The following NUDT14 variants were observed in gnomAD, a reference collection of about 807,000 sequenced individuals.
NUDT14 encodes the protein nudix hydrolase 14.
NUDT14 carries 22 observed loss-of-function variants against 17.5 expected under a neutral mutation model. The observed-to-expected ratio is 1.26, with a 90% CI of 0.90 to 1.80. The LOEUF (loss-of-function observed/expected upper bound fraction) is 1.80. Among genes scored for constraint, NUDT14 ranks in the 40% most tolerant of loss-of-function variants. NUDT14 has a pLI of 0.00. For synonymous variants in NUDT14, 129 were observed against 125.8 expected (o/e 1.03, Z -0.17); for missense variants, 296 against 295.6 (o/e 1.00, Z -0.01).
chr14:105,173,622 A>G lies in NUDT14; in HGVS notation c.429-361T>C. ...TTCAACGCCAGAAAGGGAGAAATTCAGGCCAGTCCTGCTGGCCCTGAAGGG... is the reference window on the plus strand; with the variant it reads ...TTCAACGCCAGAAAGGGAGAAATTCGGGCCAGTCCTGCTGGCCCTGAAGGG... On this transcript the variant is annotated intron_variant, in intron 4 of 4. Coordinates refer to ENST00000392568, the MANE Select transcript of NUDT14 (RefSeq NM_177533.5). This position sits in a 1 kb window ranked among gnomAD's most constrained non-coding sequence, Gnocchi z 4.7. 5.5e-6 allele frequency: 1 copy of G among 182,254 alleles called. No individual in the cohort carries two copies. The allele number at this position is 182,254 out of a possible 1,614,324, so 11.3% of individuals were successfully genotyped here.
At position 105,181,248 on chromosome 14, in the gene NUDT14, G is replaced by A. The variant is rs1367943018; in HGVS notation, c.-39C>T. 6 of 797,618 alleles carry A rather than the reference G, an allele frequency of 7.5e-6. No individual in the cohort carries two copies. Among genetic ancestry groups the A allele is most frequent in the Non-Finnish European group, 7.9e-6 (5 of 631,398 alleles). The allele number at this position is 797,618 out of a possible 1,614,324, so 49.4% of individuals were successfully genotyped here. A position where few individuals can be genotyped will look rare whatever the true frequency, so the allele number is the denominator to read the frequency against. Reference sequence around the variant, plus strand: ...CAGGCGGGGGCCGCGAGCTCTGCGGGGGCCGACACGGGGCGGCGCCCTGTC... The same window carrying A: ...CAGGCGGGGGCCGCGAGCTCTGCGGAGGCCGACACGGGGCGGCGCCCTGTC... On this transcript the variant is annotated 5_prime_UTR_variant, in exon 1 of 5. Coordinates refer to ENST00000392568, the MANE Select transcript of NUDT14 (RefSeq NM_177533.5). The surrounding 1 kb of genome is among the most constrained non-coding windows in gnomAD (Gnocchi z 5.0).
Position 105,176,204 on chromosome 14 carries a change from C to T in NUDT14, c.428+330G>A, listed in dbSNP as rs587768104. On this transcript the variant is annotated intron_variant, in intron 4 of 4. Transcript: ENST00000392568. ...TCATTCCTAAGCCACCCTCTGAGAA[C>T]AGAGCTGTGAGTCACCCCCACCCCC... Among the ~76,000 whole-genome samples, 8 of 152,270 alleles carry T rather than the reference C, an allele frequency of 5.3e-5. No homozygotes were observed. The South Asian group carries it at 1.7e-3, about 32-fold the overall frequency.
rs1889157467 is a variant in NUDT14 at position 105,173,829 on chromosome 14, C to A, written c.429-568G>T. 1 of 151,636 alleles carries A rather than the reference C, an allele frequency of 6.6e-6. No homozygotes were observed. The highest frequency in any genetic ancestry group is 6.6e-5 in the Admixed American group (1 of 15,214). The allele number at this position is 151,636 out of a possible 1,614,324, so 9.4% of individuals were successfully genotyped here. A position where few individuals can be genotyped will look rare whatever the true frequency, so the allele number is the denominator to read the frequency against. The stretch of plus-strand genomic sequence containing the variant: ...GTCAAGGCCAAGCAGAAGACCCCAC[C>A]CCTGTCTGCAGCCCCCAACCAGATA... On this transcript the variant is annotated intron_variant, in intron 4 of 4. Transcript: ENST00000392568. The surrounding 1 kb of genome is among the most constrained non-coding windows in gnomAD (Gnocchi z 4.7).
intron 4 of NUDT14, 144 bp downstream of exon 4, chr14:105,176,390 G>T: frequency 1.4e-6 from 1 of 720,870 alleles, no homozygotes; most frequent in Non-Finnish European, 2.4e-6. Flanking sequence ...TAGGAGCTGA[G>T]GCGCATTCGG....
At position 105,176,780 on chromosome 14, in the gene NUDT14, G is replaced by C; in HGVS notation, c.191-9C>G. ...CTCACCCGCATACACAGCTGCGTGG[G>C]AAGAAGCCAGACTGTGCTCACAGCC... On this transcript the variant is annotated splice_polypyrimidine_tract_variant and intron_variant, in intron 3 of 4. Transcript: ENST00000392568. 1 of 1,610,438 alleles carries C rather than the reference G, an allele frequency of 6.2e-7. No homozygotes were observed. Among genetic ancestry groups the C allele is most frequent in the Non-Finnish European group, 8.5e-7 (1 of 1,178,584 alleles).
intron 4 of NUDT14, among the ~76,000 whole-genome samples, chr14:105,174,586 C>T (rs1889171631): frequency 6.6e-6 from 1 of 152,204 alleles, no homozygotes; most frequent in Non-Finnish European, 1.5e-5. Flanking sequence ...TCCTTGCCCT[C>T]TAGCCCCTCA....
chr14:105,176,164 G>A (rs1365686359), intron 4 of NUDT14, among the ~76,000 whole-genome samples: 1 of 152,126 alleles, frequency 6.6e-6, no homozygotes, highest in Non-Finnish European at 1.5e-5. Context: ...TCCAGCCCAG[G>A]ACACAGCTTC....
At chr14:105,174,307 G>A (rs187577218) in intron 4 of NUDT14, among the ~76,000 whole-genome samples, 9 of 152,242 alleles carry the variant, frequency 5.9e-5, no homozygotes, top group African/African-American at 9.6e-5. Context: ...TGGAACAGGA[G>A]GGGGAGGGCC....
intron 4 of NUDT14, among the ~76,000 whole-genome samples, chr14:105,174,711 G>T (rs1566776850): frequency 6.6e-6 from 1 of 152,124 alleles, no homozygotes. Context: ...TTGTGAAGGA[G>T]ACAGGCCCGG....
rs763216252 is a variant in NUDT14 at position 105,176,752 on chromosome 14, C to T, written c.210G>A (p.Val70=). ...QFRPAVYAGE[V]ERRFPGSLAA... ...CTAGGGACCCTGGGAAGCGGCGCTC[C>T]ACCTCACCCGCATACACAGCTGCGT... Residue 70 remains valine (V), a synonymous_variant, in exon 4 of 5, where the codon GTG becomes GTA. Transcript: ENST00000392568. 20 of 1,612,410 alleles carry T rather than the reference C, an allele frequency of 1.2e-5. No individual in the cohort carries two copies. Among genetic ancestry groups the T allele is most frequent in the Non-Finnish European group, 1.7e-5 (20 of 1,179,966 alleles).
intron 4 of NUDT14, among the ~76,000 whole-genome samples, chr14:105,174,053 G>GC (rs1262645910): frequency 2.6e-5 from 4 of 152,004 alleles, no homozygotes; most frequent in South Asian, 4.2e-4. Context: ...TGCACTGACC[G>GC]CCCCCCCACC....
At position 105,172,979 on chromosome 14, in the gene NUDT14, G is replaced by A. The variant is rs751184263; in HGVS notation, c.*42C>T. 1.4e-6 allele frequency: 2 copies of A among 1,463,352 alleles called. No individual in the cohort carries two copies. 90.6% of individuals were successfully genotyped at this position (1,463,352 alleles called of 1,614,324 possible). On this transcript the variant is annotated 3_prime_UTR_variant, in exon 5 of 5. Coordinates refer to ENST00000392568, the MANE Select transcript of NUDT14 (RefSeq NM_177533.5). ...CTTTATTGGGGTCCGCGGGGTGTGGGGTGAGTGGCCAAGACTGGCCTCTGT... is the reference window on the plus strand; with the variant it reads ...CTTTATTGGGGTCCGCGGGGTGTGGAGTGAGTGGCCAAGACTGGCCTCTGT...
chr14:105,180,802 T>C (rs1056328368), intron 1 of NUDT14, among the ~76,000 whole-genome samples: 2 of 152,308 alleles, frequency 1.3e-5, no homozygotes, highest in South Asian at 4.1e-4. Context: ...CCAGGAAGCC[T>C]TCCCTGATCC....
In NUDT14 at chr14:105,173,874, G is replaced by A. The variant is rs1417077586; in HGVS notation, c.429-613C>T. 6.6e-6 allele frequency among the ~76,000 whole-genome samples: 1 copy of A among 151,852 alleles called. No homozygotes were observed. Among genetic ancestry groups the A allele is most frequent in the Non-Finnish European group, 1.5e-5 (1 of 67,980 alleles). On this transcript the variant is annotated intron_variant, in intron 4 of 4. Transcript: ENST00000392568. The surrounding 1 kb of genome is among the most constrained non-coding windows in gnomAD (Gnocchi z 4.7). Reference sequence around the variant, plus strand: ...CAGATACCCTGAGGCTGTTCCCAGTGCTGTTTGGAGCCCCTCAGTCTGTGG... The same window carrying A: ...CAGATACCCTGAGGCTGTTCCCAGTACTGTTTGGAGCCCCTCAGTCTGTGG...
At chr14:105,180,011 T>C (rs1595202187) in intron 1 of NUDT14, among the ~76,000 whole-genome samples, 2 of 151,810 alleles carry the variant, frequency 1.3e-5, no homozygotes, top group Admixed American at 6.6e-5. Flanking sequence ...ACCAGGAAGG[T>C]GGTCTTTGCC....
At position 105,181,188 on chromosome 14, in the gene NUDT14, A is replaced by G; in HGVS notation, c.22T>C (p.Ser8Pro). 1 of 1,181,116 alleles carries G rather than the reference A, an allele frequency of 8.5e-7. No individual in the cohort carries two copies. Among genetic ancestry groups the G allele is most frequent in the Non-Finnish European group, 1.1e-6 (1 of 947,172 alleles). The allele number at this position is 1,181,116 out of a possible 1,614,324, so 73.2% of individuals were successfully genotyped here. A position where few individuals can be genotyped will look rare whatever the true frequency, so the allele number is the denominator to read the frequency against. The change falls in exon 1 of 5, where the codon TCC (serine) becomes CCC (proline). Residue 8 changes from serine to proline, a missense_variant. Coordinates refer to ENST00000392568, the MANE Select transcript of NUDT14 (RefSeq NM_177533.5). The surrounding 1 kb of genome is among the most constrained non-coding windows in gnomAD (Gnocchi z 5.0). ...GGTGAGGCGGCGCAGCGGCCCACGGACGCCCCCTCGATGCGCTCCATGGCG... is the reference window on the plus strand; with the variant it reads ...GGTGAGGCGGCGCAGCGGCCCACGGGCGCCCCCTCGATGCGCTCCATGGCG... MERIEGA[S>P]VGRCAASPYL...
At position 105,173,122 on chromosome 14, in the gene NUDT14, G is replaced by C; in HGVS notation, c.568C>G (p.Gln190Glu). 4 of 1,605,944 alleles carry C rather than the reference G, an allele frequency of 2.5e-6. No homozygotes were observed. The South Asian group carries it at 4.4e-5, about 18-fold the overall frequency. ...ATGTCCGGGTCGTCTGCAAAGGCCT[G>C]GGCGCCTTCCAGGGGCAGGTGCACC... ...EVVHLPLEGA[Q>E]AFADDPDIPK... Residue 190 changes from glutamine (Q) to glutamate (E), a missense_variant, in exon 5 of 5, where the codon CAG (glutamine) becomes GAG (glutamate). Transcript: ENST00000392568. This position sits in a 1 kb window ranked among gnomAD's most constrained non-coding sequence, Gnocchi z 4.7.
In NUDT14 at chr14:105,181,141, C is replaced by A; in HGVS notation, c.69G>T (p.Leu23=). Residue 23 remains leucine, a synonymous_variant, in exon 1 of 5, where the codon CTG becomes CTT. Transcript: ENST00000392568. This position sits in a 1 kb window ranked among gnomAD's most constrained non-coding sequence, Gnocchi z 5.0. ...AASPYLRPLT[L]HYRQNGAQKS... Reference sequence around the variant, plus strand: ...GGCGCGGGCTCACCTGGCGGTAATGCAGCGTGAGCGGCCGCAGGTAGGGTG... The same window carrying A: ...GGCGCGGGCTCACCTGGCGGTAATGAAGCGTGAGCGGCCGCAGGTAGGGTG... The A allele has an allele frequency of 8.8e-7, 1 of 1,138,624 alleles. No individual in the cohort carries two copies. Among genetic ancestry groups the A allele is most frequent in the Non-Finnish European group, 1.1e-6 (1 of 923,914 alleles). 70.5% of individuals were successfully genotyped at this position (1,138,624 alleles called of 1,614,324 possible).
chr14:105,179,900 G>A (rs1261606758), intron 1 of NUDT14, among the ~76,000 whole-genome samples: 2 of 152,210 alleles, frequency 1.3e-5, no homozygotes, highest in Non-Finnish European at 2.9e-5. Context: ...GGATGTGATG[G>A]GGGGGACAGG....
Sources: gnomAD v4.1 joint callset for allele counts (sites outside exome capture counted in the v4.1 genomes callset) on GRCh38, gnomAD v4.1.1 for gene constraint, Gnocchi (gnomAD v3.1) non-coding constraint, MANE v1.5 for transcripts, NCBI Gene and HGNC (gene_info 2026-07-23, HGNC 2026-07-21) for gene names.